Variants in TM9SF4 observed in about 807,000 individuals in gnomAD.
TM9SF4 encodes dinucleotide oxidase disulfide thiol exchanger 3 superfamily member 4.
A neutral mutation model predicts 90.4 loss-of-function variants in TM9SF4; 26 were observed. The observed-to-expected ratio is 0.29, with a 90% CI of 0.21 to 0.40. TM9SF4 has a LOEUF of 0.40. TM9SF4 is among the 10% of genes least tolerant of loss of function. The pLI is 1.00. For missense variants in TM9SF4, 549 were observed against 834.8 expected (o/e 0.66, Z 4.22); for synonymous variants, 293 against 315.4 (o/e 0.93, Z 0.75).
intron 5 of TM9SF4, 81 bp downstream of exon 5, chr20:32,141,976 G>T: frequency 6.3e-7 from 1 of 1,585,166 alleles, no homozygotes; most frequent in Non-Finnish European, 8.6e-7. Context: ...GAAAAGGTGG[G>T]GCTCGGCCAC....
chr20:32,110,160 A>C, intron 1 of TM9SF4: 3 of 736,394 alleles, frequency 4.1e-6, no homozygotes, highest in South Asian at 3.5e-5. Flanking sequence ...CCTCCCCACC[A>C]TCATAACCAG....
chr20:32,122,248 C>CGG (rs1374438376), intron 1 of TM9SF4, among the ~76,000 whole-genome samples: 3 of 78,616 alleles, frequency 3.8e-5, no homozygotes, highest in Admixed American at 1.3e-4. Context: ...GCTGGCCTGG[C>CGG]GGGGGGCTGA....
At chr20:32,124,489 GACTT>G (rs1190663453) in intron 1 of TM9SF4, among the ~76,000 whole-genome samples, 2 of 152,150 alleles carry the variant, frequency 1.3e-5, no homozygotes, top group African/African-American at 4.8e-5. Flanking sequence ...GGTGGAACTG[GACTT>G]ACTTCACTTT....
chr20:32,161,436 A>G (rs2047017384), intron 17 of TM9SF4, 71 bp downstream of exon 17: 1 of 1,468,452 alleles, frequency 6.8e-7, no homozygotes, highest in Middle Eastern at 1.9e-4. Flanking sequence ...ATGCTGGGAG[A>G]AAAACCCAAG....
Position 32,165,650 on chromosome 20 carries a change from G to A in TM9SF4, c.*206G>A. ...TCGTCATCTTATTCCAGTTCTGTGG[G>A]GGATGAGTTTTTTTGTGGGTTGCTT... On this transcript the variant is annotated 3_prime_UTR_variant, in exon 18 of 18. Transcript: ENST00000398022. 1.7e-6 allele frequency: 1 copy of A among 588,282 alleles called. No homozygotes were observed. Among genetic ancestry groups the A allele is most frequent in the Non-Finnish European group, 2.9e-6 (1 of 340,482 alleles). 36.4% of individuals were successfully genotyped at this position (588,282 alleles called of 1,614,324 possible). A position where few individuals can be genotyped will look rare whatever the true frequency, so the allele number is the denominator to read the frequency against.
At position 32,161,458 on chromosome 20, in the gene TM9SF4, TC is replaced by T. The variant is rs1489117760; in HGVS notation, c.1779+95del. On this transcript the variant is annotated intron_variant, in intron 17 of 17. Coordinates refer to ENST00000398022, the MANE Select transcript of TM9SF4 (RefSeq NM_014742.4). ...GAGAAAAACCCAAGTGCCTGAATCT[TC>T]CTTTTCCACCCAGAATGGGGAGGAC... 1.6e-5 allele frequency: 20 copies of T among 1,224,558 alleles called. 1 individual carries two copies. The South Asian group carries it at 2.4e-4, about 15-fold the overall frequency. 75.9% of individuals were successfully genotyped at this position (1,224,558 alleles called of 1,614,324 possible). A position where few individuals can be genotyped will look rare whatever the true frequency, so the allele number is the denominator to read the frequency against.
chr20:32,146,869 G>A lies in TM9SF4; in HGVS notation c.954+14G>A. 1.9e-6 allele frequency: 3 copies of A among 1,612,714 alleles called. No homozygotes were observed. The highest frequency in any genetic ancestry group is 2.5e-6 in the Non-Finnish European group (3 of 1,179,440). On this transcript the variant is annotated intron_variant, in intron 9 of 17. Transcript: ENST00000398022. The stretch of plus-strand genomic sequence containing the variant: ...GAGGATGACATTGTACGAGGTCTTG[G>A]CTGGGGAGGGATGAAGTTGGATGGG...
At chr20:32,126,999 G>A (rs1388649776) in intron 1 of TM9SF4, among the ~76,000 whole-genome samples, 1 of 152,156 alleles carries the variant, frequency 6.6e-6, no homozygotes, top group Non-Finnish European at 1.5e-5. Flanking sequence ...CTGCCAAAGT[G>A]CTAGGATTAC....
chr20:32,147,251 T>G (rs1220394213), intron 9 of TM9SF4, among the ~76,000 whole-genome samples: 1 of 152,132 alleles, frequency 6.6e-6, no homozygotes, highest in Admixed American at 6.5e-5. Context: ...GTACTGGGAT[T>G]ACAGGCATGA....
intron 8 of TM9SF4, among the ~76,000 whole-genome samples, chr20:32,146,195 C>T (rs1488846138): frequency 6.6e-6 from 1 of 152,156 alleles, no homozygotes; most frequent in Non-Finnish European, 1.5e-5. Flanking sequence ...GTTAAGTGAA[C>T]TCAAGGTCAT....
intron 3 of TM9SF4, among the ~76,000 whole-genome samples, chr20:32,136,680 G>A (rs1338379100): frequency 3.3e-5 from 5 of 152,224 alleles, no homozygotes; most frequent in African/African-American, 1.2e-4. Flanking sequence ...TCTGACACAA[G>A]TATTCCATAA....
At chr20:32,114,700 C>T (rs1303441380) in intron 1 of TM9SF4, among the ~76,000 whole-genome samples, 1 of 152,128 alleles carries the variant, frequency 6.6e-6, no homozygotes, top group African/African-American at 2.4e-5. Flanking sequence ...AACAGAAGGC[C>T]AGAGGCCTGA....
At chr20:32,163,268 A>AAATATATATATATATAT (rs1555886757) in intron 17 of TM9SF4, among the ~76,000 whole-genome samples, 6 of 74,478 alleles carry the variant, frequency 8.1e-5, no homozygotes, top group Non-Finnish European at 9.8e-5. Context: ...AAAAAAAAAA[A>AAATATATATATATATAT]ATATATATAT....
chr20:32,130,732 T>G (rs1208789814), intron 1 of TM9SF4, among the ~76,000 whole-genome samples: 1 of 152,230 alleles, frequency 6.6e-6, no homozygotes, highest in Non-Finnish European at 1.5e-5. Context: ...AGAATGTCTC[T>G]AGAGAGATTT....
chr20:32,130,886 CT>C (rs1449404226), intron 1 of TM9SF4, among the ~76,000 whole-genome samples: 1 of 152,088 alleles, frequency 6.6e-6, no homozygotes. Context: ...TTTAAAAAGC[CT>C]TACTCGCTTA....
At chr20:32,114,001 T>G (rs1051699598) in intron 1 of TM9SF4, among the ~76,000 whole-genome samples, 1 of 152,244 alleles carries the variant, frequency 6.6e-6, no homozygotes, top group African/African-American at 2.4e-5. Context: ...GCATCCCTTT[T>G]TATGGCTGAA....
In TM9SF4 at chr20:32,145,212, G is replaced by A. The variant is rs1323557870; in HGVS notation, c.771+3G>A. 6 of 1,614,070 alleles carry A rather than the reference G, an allele frequency of 3.7e-6. No individual in the cohort carries two copies. The highest frequency in any genetic ancestry group is 1.1e-5 in the South Asian group (1 of 91,084). ...TCACCTACTCTGTCCACTGGGAGGT[G>A]AGAAGGGGCTGGAGCTCATGGGCAG... On this transcript the variant is annotated splice_donor_region_variant and intron_variant, in intron 7 of 17. Transcript: ENST00000398022.
Position 32,136,185 on chromosome 20 carries a change from TC to T in TM9SF4, c.229+15del, listed in dbSNP as rs1380588143. On this transcript the variant is annotated intron_variant, in intron 3 of 17. Coordinates refer to ENST00000398022, the MANE Select transcript of TM9SF4 (RefSeq NM_014742.4). ...GGCAGAGAATCTGGGTAAGTTCTTCTCCCACACTGCTGTCAACTTGTCCCCA... is the reference window on the plus strand; with the variant it reads ...GGCAGAGAATCTGGGTAAGTTCTTCTCCACACTGCTGTCAACTTGTCCCCA... 6.2e-7 allele frequency: 1 copy of T among 1,612,800 alleles called. No individual in the cohort carries two copies. The highest frequency in any genetic ancestry group is 8.5e-7 in the Non-Finnish European group (1 of 1,178,922).
chr20:32,131,396 T>C (rs530085393), intron 1 of TM9SF4, among the ~76,000 whole-genome samples: 1 of 152,316 alleles, frequency 6.6e-6, no homozygotes, highest in South Asian at 2.1e-4. Flanking sequence ...GTAGTCCAGG[T>C]AAAAGTACAG....
Sources: gnomAD v4.1 joint callset for allele counts (sites outside exome capture counted in the v4.1 genomes callset) on GRCh38, gnomAD v4.1.1 for gene constraint, MANE v1.5 for transcripts, NCBI Gene and HGNC (gene_info 2026-07-23, HGNC 2026-07-21) for gene names.